KAZN: variants seen among roughly 807,000 people sequenced by gnomAD.
KAZN encodes kazrin, periplakin interacting protein.
KAZN carries 40 observed loss-of-function variants against 87.4 expected under a neutral mutation model. That is an observed-to-expected ratio of 0.46 (90% CI 0.36 to 0.60). The LOEUF (loss-of-function observed/expected upper bound fraction) is 0.60. Among genes scored for constraint, KAZN ranks in the 20% least tolerant of loss-of-function variants. The pLI is 0.00. For synonymous variants in KAZN, 466 were observed against 458.3 expected (o/e 1.02, Z -0.22); for missense variants, 898 against 1,073.9 (o/e 0.84, Z 2.29).
At chr1:14,342,584 T>C (rs1417056805) in intron 2 of KAZN, among the ~76,000 whole-genome samples, 1 of 152,188 alleles carries the variant, frequency 6.6e-6, no homozygotes, top group East Asian at 1.9e-4. Context: ...TATGAGATAA[T>C]TGGCACTGAG....
At chr1:14,957,612 G>C (rs1572918288) in intron 1 of KAZN, among the ~76,000 whole-genome samples, 1 of 152,218 alleles carries the variant, frequency 6.6e-6, no homozygotes, top group Non-Finnish European at 1.5e-5. Flanking sequence ...CAGGAGCGGA[G>C]CCGTTTTAGG....
chr1:13,904,655 A>G (rs999152418), intron 1 of KAZN, among the ~76,000 whole-genome samples: 5 of 152,248 alleles, frequency 3.3e-5, no homozygotes, highest in Admixed American at 1.3e-4. Context: ...ATTTCTCTGT[A>G]GGTGATCTCT....
intron 2 of KAZN, among the ~76,000 whole-genome samples, chr1:14,355,537 A>G (rs1658948953): frequency 6.6e-6 from 1 of 152,084 alleles, no homozygotes; most frequent in Admixed American, 6.6e-5. Flanking sequence ...TCAACCCGTC[A>G]TTGATCTACA....
At chr1:14,220,178 A>T (rs926610792) in intron 2 of KAZN, among the ~76,000 whole-genome samples, 3 of 152,100 alleles carry the variant, frequency 2.0e-5, no homozygotes, top group African/African-American at 7.2e-5. Flanking sequence ...ATATGCAGTT[A>T]ACATGGAAGT....
At chr1:15,049,015 C>T (rs1035140888) in intron 4 of KAZN, among the ~76,000 whole-genome samples, 10 of 152,216 alleles carry the variant, frequency 6.6e-5, no homozygotes, top group South Asian at 2.1e-4. Context: ...CGTCTTCATG[C>T]GCAGTCACTC....
At chr1:14,565,157 C>A (rs1033788227) in intron 2 of KAZN, among the ~76,000 whole-genome samples, 1 of 152,182 alleles carries the variant, frequency 6.6e-6, no homozygotes, top group Admixed American at 6.5e-5. Flanking sequence ...ATTGTAGCAT[C>A]CTTTCCTCTC....
chr1:14,510,029 AT>A (rs1670817278), intron 2 of KAZN, among the ~76,000 whole-genome samples: 1 of 152,286 alleles, frequency 6.6e-6, no homozygotes, highest in Middle Eastern at 3.4e-3. Flanking sequence ...CAAGTGTGAG[AT>A]GGAGTTAGAA....
chr1:14,966,530 G>C (rs550609585), intron 2 of KAZN, among the ~76,000 whole-genome samples: 2 of 152,194 alleles, frequency 1.3e-5, no homozygotes, highest in East Asian at 3.9e-4. Flanking sequence ...GATAATTGTG[G>C]GTGTTCTTTG....
intron 1 of KAZN, among the ~76,000 whole-genome samples, chr1:13,953,617 TC>T (rs1242509878): frequency 7.2e-5 from 11 of 152,198 alleles, no homozygotes. Flanking sequence ...TTCTTTTTTT[TC>T]TTCTCTGGAA....
At chr1:15,055,982 G>A (rs1384861799) in intron 4 of KAZN, 109 bp from the exon 5 acceptor site, 9 of 1,061,536 alleles carry the variant, frequency 8.5e-6, no homozygotes, top group Admixed American at 6.6e-5. Flanking sequence ...AGCAATACCC[G>A]GTGCAGAGGA....
intron 2 of KAZN, among the ~76,000 whole-genome samples, chr1:14,294,556 G>A (rs1487846789): frequency 6.6e-6 from 1 of 151,544 alleles, no homozygotes; most frequent in East Asian, 2.0e-4. Flanking sequence ...CAGACAGCTA[G>A]TAAGGAAAGA....
At chr1:15,078,193 T>A (rs1228256336) in intron 8 of KAZN, among the ~76,000 whole-genome samples, 1 of 152,084 alleles carries the variant, frequency 6.6e-6, no homozygotes, top group African/African-American at 2.4e-5. Flanking sequence ...GGTGGGCAGA[T>A]TACTTGAGGC....
At chr1:14,407,221 G>T (rs568607873) in intron 2 of KAZN, among the ~76,000 whole-genome samples, 1 of 152,290 alleles carries the variant, frequency 6.6e-6, no homozygotes, top group South Asian at 2.1e-4. Context: ...TCTTGTCCAT[G>T]GCAGAGGGCT....
At chr1:14,611,267 C>T (rs546587866) in intron 1 of KAZN, among the ~76,000 whole-genome samples, 8 of 152,286 alleles carry the variant, frequency 5.3e-5, no homozygotes, top group South Asian at 2.1e-4. Context: ...CAACAAGGAA[C>T]GTTCTTCTGG....
At chr1:14,187,966 G>A (rs1274018279) in intron 2 of KAZN, among the ~76,000 whole-genome samples, 1 of 151,892 alleles carries the variant, frequency 6.6e-6, no homozygotes, top group African/African-American at 2.4e-5. Context: ...GCCAGCCTAT[G>A]GGGGAAACAC....
intron 1 of KAZN, among the ~76,000 whole-genome samples, chr1:14,056,725 G>A (rs1244791602): frequency 6.6e-6 from 1 of 152,172 alleles, no homozygotes; most frequent in African/African-American, 2.4e-5. Flanking sequence ...AGACAGAACA[G>A]GTCTCACTCT....
Position 13,933,218 on chromosome 1 carries a change from C to T in KAZN, c.91+39462C>T, listed in dbSNP as rs566966174. Among the ~76,000 whole-genome samples, 145 of 151,854 alleles carry T rather than the reference C, an allele frequency of 9.5e-4. 1 individual carries two copies. The highest frequency in any genetic ancestry group is 1.7e-3 in the Non-Finnish European group (116 of 67,970). On this transcript the variant is annotated intron_variant, in intron 1 of 16. Transcript: ENST00000636203. The stretch of plus-strand genomic sequence containing the variant: ...CATTAAAAAATATTCATCGGCCGGG[C>T]GCAGTGGCTCACATCTGTAATACCA...
At chr1:15,033,781 C>G (rs1360996003) in intron 2 of KAZN, among the ~76,000 whole-genome samples, 1 of 152,190 alleles carries the variant, frequency 6.6e-6, no homozygotes, top group Non-Finnish European at 1.5e-5. Flanking sequence ...CTCTCTCACC[C>G]AGGCTGGAGT....
At chr1:14,051,724 C>T (rs765968318) in intron 1 of KAZN, among the ~76,000 whole-genome samples, 10 of 152,080 alleles carry the variant, frequency 6.6e-5, no homozygotes, top group Non-Finnish European at 8.8e-5. Context: ...CATGTAGTCC[C>T]AGCTACTTGG....
Sources: allele counts gnomAD v4.1 joint callset (sites outside exome capture counted in the v4.1 genomes callset), GRCh38; gene constraint gnomAD v4.1.1; transcripts MANE v1.5; gene names NCBI Gene and HGNC (gene_info 2026-07-23, HGNC 2026-07-21).